USP12: variants seen among roughly 807,000 people sequenced by gnomAD.
USP12 encodes ubiquitin specific peptidase 12, also known as ubiquitin carboxyl-terminal hydrolase 12.
Under a neutral mutation model 45.5 loss-of-function variants are expected in USP12, and 19 were observed. The observed-to-expected ratio is 0.42, with a 90% CI of 0.29 to 0.61. USP12 has a LOEUF of 0.61. Among genes scored for constraint, USP12 ranks in the 20% least tolerant of loss-of-function variants. The probability of loss-of-function intolerance (pLI) is 0.22; values close to 1 mark genes in which losing one functional copy is unlikely to be tolerated. For missense variants in USP12, 242 were observed against 447.7 expected (o/e 0.54, Z 4.15); for synonymous variants, 149 against 148.8 (o/e 1.00, Z -0.01).
chr13:27,137,001 AT>A (rs1012625133), intron 1 of USP12, among the ~76,000 whole-genome samples: 1 of 152,190 alleles, frequency 6.6e-6, no homozygotes, highest in Admixed American at 6.5e-5. Flanking sequence ...TTTTCCCATA[AT>A]AAAAAAACAC....
intron 1 of USP12, among the ~76,000 whole-genome samples, chr13:27,164,655 A>G (rs1173384951): frequency 6.6e-6 from 1 of 152,238 alleles, no homozygotes; most frequent in Non-Finnish European, 1.5e-5. Flanking sequence ...TGCACATAAG[A>G]TAGCAAATGG....
intron 2 of USP12, among the ~76,000 whole-genome samples, chr13:27,114,396 A>C (rs1875612416): frequency 6.6e-6 from 1 of 152,234 alleles, no homozygotes; most frequent in Non-Finnish European, 1.5e-5. Context: ...TTTGCTGACT[A>C]TCTAACAGCT....
Position 27,129,894 on chromosome 13 carries a change from T to C in USP12, c.49-13298A>G, listed in dbSNP as rs533172314. Among the ~76,000 whole-genome samples, 1 of 151,978 alleles carries C rather than the reference T, an allele frequency of 6.6e-6. No homozygotes were observed. The highest frequency in any genetic ancestry group is 1.9e-4 in the East Asian group (1 of 5,180). ...CACGGTCACATCCAAAACATACGAG[T>C]GGAGTGACCAACATGAAAAATGGCA... On this transcript the variant is annotated intron_variant, in intron 1 of 8. Transcript: ENST00000282344. The surrounding 1 kb of genome is among the most constrained non-coding windows in gnomAD (Gnocchi z 4.0).
chr13:27,125,019 G>A (rs1876161085), intron 1 of USP12, among the ~76,000 whole-genome samples: 1 of 152,214 alleles, frequency 6.6e-6, no homozygotes, highest in African/African-American at 2.4e-5. Flanking sequence ...GCTAGTAACT[G>A]GAGAACATGA....
intron 1 of USP12, among the ~76,000 whole-genome samples, chr13:27,154,374 A>G (rs551233853): frequency 2.0e-5 from 3 of 152,336 alleles, no homozygotes; most frequent in East Asian, 1.9e-4. Context: ...AAAAGTTGTA[A>G]AAGTATTGGT....
In USP12 at chr13:27,129,687, TTAATAA is replaced by T. The variant is rs920656340; in HGVS notation, c.49-13097_49-13092del. Among the ~76,000 whole-genome samples the T allele has an allele frequency of 1.3e-5, 2 of 152,142 alleles. No homozygotes were observed. The highest frequency in any genetic ancestry group is 4.1e-4 in the South Asian group (2 of 4,828). ...GGGCGACAGAGTGAGACCCTATCTC[TTAATAA>T]TAATAATAGCAAATAAAAATAAATG... On this transcript the variant is annotated intron_variant, in intron 1 of 8. Coordinates refer to ENST00000282344, the MANE Select transcript of USP12 (RefSeq NM_182488.4). This position sits in a 1 kb window ranked among gnomAD's most constrained non-coding sequence, Gnocchi z 4.0.
rs759127921 is a variant in USP12, at chr13:27,171,566, C to G, written c.48+26G>C. 14 of 1,243,454 alleles carry G rather than the reference C, an allele frequency of 1.1e-5. No homozygotes were observed. The East Asian group carries it at 4.6e-4, about 41-fold the overall frequency. 77.0% of individuals were successfully genotyped at this position (1,243,454 alleles called of 1,614,324 possible). A position where few individuals can be genotyped will look rare whatever the true frequency, so the allele number is the denominator to read the frequency against. On this transcript the variant is annotated intron_variant, in intron 1 of 8. Transcript: ENST00000282344. ...GCCCGCCCGAGAGGTCCCGGCAGCC[C>G]CGGCCGCCCGCTCGCCGCCACCTAC...
chr13:27,164,733 G>T (rs1878276778), intron 1 of USP12, among the ~76,000 whole-genome samples: 1 of 152,142 alleles, frequency 6.6e-6, no homozygotes. Context: ...TTCAGCAAGT[G>T]TAACTCTTCA....
chr13:27,070,913 G>A (rs1056512334), intron 8 of USP12, among the ~76,000 whole-genome samples, 158 bp downstream of exon 8: 5 of 152,168 alleles, frequency 3.3e-5, no homozygotes, highest in African/African-American at 7.2e-5. Context: ...GGGCTTGGAC[G>A]TTGCAGAGTA....
chr13:27,105,276 C>T (rs1300181295), intron 3 of USP12, among the ~76,000 whole-genome samples: 1 of 152,136 alleles, frequency 6.6e-6, no homozygotes, highest in Non-Finnish European at 1.5e-5. Context: ...TGGCTCCTGG[C>T]AAGCCTTTTT....
Position 27,068,311 on chromosome 13 carries a change from T to C in USP12, c.*972A>G, listed in dbSNP as rs1393114074. 6.6e-6 allele frequency: 1 copy of C among 152,642 alleles called. No individual in the cohort carries two copies. The highest frequency in any genetic ancestry group is 2.4e-5 in the African/African-American group (1 of 41,456). The allele number at this position is 152,642 out of a possible 1,614,324, so 9.5% of individuals were successfully genotyped here. A position where few individuals can be genotyped will look rare whatever the true frequency, so the allele number is the denominator to read the frequency against. Reference sequence around the variant, plus strand: ...ACTACAGGAATTTTTAAAATAGTTTTTTAATTTTATGAAATTAAAGCTGAA... The same window carrying C: ...ACTACAGGAATTTTTAAAATAGTTTCTTAATTTTATGAAATTAAAGCTGAA... On this transcript the variant is annotated 3_prime_UTR_variant, in exon 9 of 9. Coordinates refer to ENST00000282344, the MANE Select transcript of USP12 (RefSeq NM_182488.4).
intron 1 of USP12, among the ~76,000 whole-genome samples, chr13:27,155,066 C>CTT (rs71083634): frequency 0.011 from 607 of 57,656 alleles, 62 homozygotes; most frequent in Middle Eastern, 0.026. Flanking sequence ...ATGTCCACAA[C>CTT]TTTTTTTTTT....
Position 27,074,020 on chromosome 13 carries a change from A to T in USP12, c.932+1171T>A, listed in dbSNP as rs538842487. The stretch of plus-strand genomic sequence containing the variant: ...TAGAAGAAAGATTCTTGCTGAGGAT[A>T]AAAGACGGGACCCAAGGCTGACCCA... On this transcript the variant is annotated intron_variant, in intron 7 of 8. Transcript: ENST00000282344. Among the ~76,000 whole-genome samples, 5 of 152,324 alleles carry T rather than the reference A, an allele frequency of 3.3e-5. No individual in the cohort carries two copies. The East Asian group carries it at 9.6e-4, about 29-fold the overall frequency.
In USP12 at chr13:27,155,066, C is replaced by CTTTTTTTTT. The variant is rs71083634; in HGVS notation, c.48+16517_48+16525dup. On this transcript the variant is annotated intron_variant, in intron 1 of 8. Coordinates refer to ENST00000282344, the MANE Select transcript of USP12 (RefSeq NM_182488.4). ...TTTTTTTTTTTTCTGATGTCCACAA[C>CTTTTTTTTT]TTTTTTTTTTTTTTTTTTTTTTTTT... Among the ~76,000 whole-genome samples the CTTTTTTTTT allele has an allele frequency of 5.4e-4, 31 of 57,656 alleles. 1 individual carries two copies. Among genetic ancestry groups the CTTTTTTTTT allele is most frequent in the African/African-American group, 1.3e-3 (16 of 12,142 alleles). 37.8% of individuals were successfully genotyped at this position (57,656 alleles called of 152,430 possible).
intron 4 of USP12, among the ~76,000 whole-genome samples, chr13:27,092,965 G>A (rs567105326): frequency 7.6e-4 from 115 of 152,312 alleles, no homozygotes; most frequent in African/African-American, 2.7e-3. Context: ...AGGAGGCCAA[G>A]GTGGGTGGAT....
rs191027495 is a variant in USP12, at chr13:27,068,690, C to T, written c.*593G>A. The T allele has an allele frequency of 1.3e-5, 2 of 152,348 alleles. No individual in the cohort carries two copies. The highest frequency in any genetic ancestry group is 3.9e-4 in the East Asian group (2 of 5,192). The allele number at this position is 152,348 out of a possible 1,614,324, so 9.4% of individuals were successfully genotyped here. ...GCCACTTTTGACCAATTGCTCCCTA[C>T]ATATACATATACTGTATATTATTAT... On this transcript the variant is annotated 3_prime_UTR_variant, in exon 9 of 9. Transcript: ENST00000282344.
At chr13:27,098,057 T>C (rs1242728683) in intron 3 of USP12, among the ~76,000 whole-genome samples, 1 of 151,926 alleles carries the variant, frequency 6.6e-6, no homozygotes, top group Non-Finnish European at 1.5e-5. Flanking sequence ...ATATAGTATT[T>C]TTAAAAACTT....
In USP12 at chr13:27,088,922, T is replaced by C. The variant is rs1183279513; in HGVS notation, c.734+961A>G. On this transcript the variant is annotated intron_variant, in intron 6 of 8. Transcript: ENST00000282344. ...CACATGGCACAAATCAAGTCACATA[T>C]GCTACTTAACAGGACATGATGAGAA... Among the ~76,000 whole-genome samples, 3 of 152,276 alleles carry C rather than the reference T, an allele frequency of 2.0e-5. No homozygotes were observed. In the East Asian group the frequency reaches 5.8e-4, roughly 29 times the overall value.
At chr13:27,128,639 T>C (rs1258939167) in intron 1 of USP12, among the ~76,000 whole-genome samples, 3 of 152,230 alleles carry the variant, frequency 2.0e-5, no homozygotes, top group African/African-American at 7.2e-5. Context: ...TCAAGCTCTT[T>C]CTACCATATT....
Sources: allele counts gnomAD v4.1 joint callset (sites outside exome capture counted in the v4.1 genomes callset), GRCh38; gene constraint gnomAD v4.1.1; non-coding constraint Gnocchi (gnomAD v3.1); transcripts MANE v1.5; gene names NCBI Gene and HGNC (gene_info 2026-07-23, HGNC 2026-07-21).